The following L3MBTL4 variants were observed in gnomAD, a reference collection of about 807,000 sequenced individuals.
L3MBTL4 encodes L3MBTL histone methyl-lysine binding protein 4.
In L3MBTL4, 70 loss-of-function variants were observed where a neutral mutation model predicts 84.5. That is an observed-to-expected ratio of 0.83 (90% CI 0.68 to 1.01). The LOEUF (loss-of-function observed/expected upper bound fraction) is 1.01, where lower values mean the gene tolerates loss of function less well. Ranked by LOEUF, L3MBTL4 falls within the 50% of genes least tolerant of loss-of-function variation. The pLI, the probability that L3MBTL4 is intolerant of heterozygous loss-of-function variation, is 0.00. For missense variants in L3MBTL4, 715 were observed against 754.8 expected (o/e 0.95, Z 0.62); for synonymous variants, 274 against 259.8 (o/e 1.05, Z -0.52).
intron 16 of L3MBTL4, among the ~76,000 whole-genome samples, chr18:6,020,115 T>C (rs1479758448): frequency 6.6e-6 from 1 of 152,074 alleles, no homozygotes; most frequent in East Asian, 1.9e-4. Context: ...AAATAGAGTA[T>C]AATAAATGCT....
intron 1 of L3MBTL4, among the ~76,000 whole-genome samples, chr18:6,391,001 T>C (rs1180696042): frequency 1.3e-5 from 2 of 151,906 alleles, no homozygotes; most frequent in African/African-American, 4.8e-5. Flanking sequence ...ACCACCCTGA[T>C]ACCACAACCA....
intron 14 of L3MBTL4, among the ~76,000 whole-genome samples, chr18:6,129,299 T>C (rs551764329): frequency 1.4e-4 from 21 of 152,154 alleles, no homozygotes; most frequent in Admixed American, 1.3e-3. Context: ...TGCTTTATTG[T>C]TGTAGTATTA....
Position 6,328,636 on chromosome 18 carries a change from C to T in L3MBTL4, c.-90-16580G>A, listed in dbSNP as rs187264272. Among the ~76,000 whole-genome samples the T allele has an allele frequency of 2.0e-3, 305 of 152,322 alleles. 2 individuals carry two copies. Among genetic ancestry groups the T allele is most frequent in the Non-Finnish European group, 3.4e-3 (233 of 68,034 alleles). The stretch of plus-strand genomic sequence containing the variant: ...ATTTTGTTGCTAGAACATGTCTCTA[C>T]TAGGAGCATTTCAGAATAGCATTAG... On this transcript the variant is annotated intron_variant, in intron 1 of 18. Transcript: ENST00000317931.
At chr18:6,165,429 G>A (rs1256642432) in intron 13 of L3MBTL4, among the ~76,000 whole-genome samples, 1 of 152,206 alleles carries the variant, frequency 6.6e-6, no homozygotes, top group African/African-American at 2.4e-5. Context: ...GGCAGCCAGA[G>A]AGAAAGGTCG....
intron 3 of L3MBTL4, among the ~76,000 whole-genome samples, 161 bp downstream of exon 3, chr18:6,311,393 A>G (rs1050860983): frequency 6.6e-6 from 1 of 151,704 alleles, no homozygotes; most frequent in East Asian, 2.0e-4. Context: ...CTTTAAGAAC[A>G]CTTATATTCT....
In L3MBTL4 at chr18:5,969,459, G is replaced by A. The variant is rs1344290978; in HGVS notation, c.1548C>T (p.His516=). Residue 516 remains histidine (H), a synonymous_variant, in exon 17 of 19, where the codon CAC becomes CAT. Transcript: ENST00000317931. ...CAGCCACGCCTGGAAGCAACTTGCA[G>A]TGTTGCTCCCTGCCGAGGGGAAGGT... ...FRDLPLGREQ[H]CKLLPGVADI... is the part of the protein sequence containing the mutation. 6.2e-7 allele frequency: 1 copy of A among 1,614,042 alleles called. No individual in the cohort carries two copies. The highest frequency in any genetic ancestry group is 8.5e-7 in the Non-Finnish European group (1 of 1,180,032).
chr18:6,168,704 G>A (rs1256555337), intron 13 of L3MBTL4, among the ~76,000 whole-genome samples: 2 of 152,042 alleles, frequency 1.3e-5, no homozygotes, highest in African/African-American at 4.8e-5. Flanking sequence ...TTACATGTTA[G>A]ACCTAAAACC....
At chr18:5,961,108 A>G (rs1465088414) in intron 17 of L3MBTL4, among the ~76,000 whole-genome samples, 2 of 152,138 alleles carry the variant, frequency 1.3e-5, no homozygotes, top group Admixed American at 1.3e-4. Context: ...TGCTTGTTTT[A>G]TTCTTTTTGG....
chr18:6,245,030 C>T (rs545424166), intron 5 of L3MBTL4, among the ~76,000 whole-genome samples: 195 of 152,246 alleles, frequency 1.3e-3, no homozygotes, highest in Non-Finnish European at 2.5e-3. Flanking sequence ...CTGTCTCAGC[C>T]TCCCGAATAG....
At chr18:6,378,944 T>C (rs1160476662) in intron 1 of L3MBTL4, among the ~76,000 whole-genome samples, 1 of 151,548 alleles carries the variant, frequency 6.6e-6, no homozygotes, top group East Asian at 2.0e-4. Context: ...ATTCTTCCTA[T>C]CCATGAGCAT....
intron 1 of L3MBTL4, among the ~76,000 whole-genome samples, chr18:6,388,193 C>A (rs575931126): frequency 6.6e-6 from 1 of 152,132 alleles, no homozygotes; most frequent in East Asian, 1.9e-4. Context: ...AATGCAAGTA[C>A]CAACAATCCA....
chr18:6,186,607 C>T (rs2044779562), intron 12 of L3MBTL4, among the ~76,000 whole-genome samples: 1 of 152,304 alleles, frequency 6.6e-6, no homozygotes, highest in South Asian at 2.1e-4. Context: ...AAGGCAACTT[C>T]TAGTTTCTCA....
intron 14 of L3MBTL4, among the ~76,000 whole-genome samples, chr18:6,129,368 CTGTGTGTGTGTGTGTG>C (rs772735191): frequency 1.4e-5 from 2 of 138,226 alleles, no homozygotes; most frequent in South Asian, 4.8e-4. Flanking sequence ...GGAATTCTCT[CTGTGTGTGTGTGTGTG>C]TGTGTGTGTG....
chr18:6,340,568 G>A (rs991809945), intron 1 of L3MBTL4, among the ~76,000 whole-genome samples: 1 of 152,136 alleles, frequency 6.6e-6, no homozygotes, highest in African/African-American at 2.4e-5. Flanking sequence ...GGGGACAGCT[G>A]AGAGCATGGC....
At chr18:6,302,642 A>G (rs1233443719) in intron 3 of L3MBTL4, among the ~76,000 whole-genome samples, 1 of 152,206 alleles carries the variant, frequency 6.6e-6, no homozygotes, top group East Asian at 1.9e-4. Context: ...GTATCCAGAT[A>G]TGTGTCTTCT....
At chr18:6,312,115 T>G (rs1374032466) in intron 1 of L3MBTL4, 59 bp from the exon 2 acceptor site, 3 of 153,516 alleles carry the variant, frequency 2.0e-5, no homozygotes, top group African/African-American at 7.2e-5. Flanking sequence ...CATTCTTCTG[T>G]ATATTCATAA....
At chr18:6,074,080 TTTTG>T (rs756127072) in intron 16 of L3MBTL4, among the ~76,000 whole-genome samples, 3 of 152,116 alleles carry the variant, frequency 2.0e-5, no homozygotes, top group Admixed American at 6.5e-5. Context: ...TGTTTTGTTT[TTTTG>T]TTTGTTTTTT....
chr18:5,969,758 C>G (rs2052545977), intron 16 of L3MBTL4, among the ~76,000 whole-genome samples, 196 bp from the exon 17 acceptor site: 1 of 152,190 alleles, frequency 6.6e-6, no homozygotes, highest in Admixed American at 6.5e-5. Flanking sequence ...TGGTCATAGA[C>G]AGATGTTACC....
chr18:6,123,315 A>G (rs2059584946), intron 14 of L3MBTL4, among the ~76,000 whole-genome samples: 2 of 152,088 alleles, frequency 1.3e-5, no homozygotes, highest in South Asian at 4.1e-4. Context: ...CAATATTGAG[A>G]TGGTTTGGCT....
Sources: gnomAD v4.1 joint callset for allele counts (sites outside exome capture counted in the v4.1 genomes callset) on GRCh38, gnomAD v4.1.1 for gene constraint, MANE v1.5 for transcripts, NCBI Gene and HGNC (gene_info 2026-07-23, HGNC 2026-07-21) for gene names.